SNRPA: variants seen among roughly 807,000 people sequenced by gnomAD.
SNRPA encodes the protein small nuclear ribonucleoprotein polypeptide A, also known as U1 small nuclear ribonucleoprotein A.
Under a neutral mutation model 24.5 loss-of-function variants are expected in SNRPA, and 10 were observed. That is an observed-to-expected ratio of 0.41 (90% CI 0.25 to 0.69). The LOEUF (loss-of-function observed/expected upper bound fraction) is 0.69, where lower values mean the gene tolerates loss of function less well. SNRPA is among the 30% of genes least tolerant of loss of function. The probability of loss-of-function intolerance (pLI) is 0.33; values close to 1 mark genes in which losing one functional copy is unlikely to be tolerated. For synonymous variants in SNRPA, 165 were observed against 148.4 expected, an observed-to-expected ratio of 1.11 and a Z score of -0.81; for missense variants, 283 against 394.7, an observed-to-expected ratio of 0.72 and a Z score of 2.40.
chr19:40,752,579 C>CAA lies in SNRPA; in HGVS notation c.73+1121_73+1122dup, dbSNP rs59705765. 6.5e-3 allele frequency among the ~76,000 whole-genome samples: 396 copies of CAA among 61,178 alleles called. 1 individual carries two copies. The highest frequency in any genetic ancestry group is 0.016 in the African/African-American group (249 of 15,412). 40.1% of individuals were successfully genotyped at this position (61,178 alleles called of 152,430 possible). Reference sequence around the variant, plus strand: ...GCGACAAAGCCAGACCTTTTCTCTACAAAAAAAAAAAAAAAAAAAAAAAAG... The same window carrying CAA: ...GCGACAAAGCCAGACCTTTTCTCTACAAAAAAAAAAAAAAAAAAAAAAAAAAG... On this transcript the variant is annotated intron_variant, in intron 1 of 5. Coordinates refer to ENST00000243563, the MANE Select transcript of SNRPA (RefSeq NM_004596.5).
intron 4 of SNRPA, 101 bp downstream of exon 4, chr19:40,763,175 C>T: frequency 1.1e-6 from 1 of 870,174 alleles, no homozygotes; most frequent in Non-Finnish European, 1.8e-6. Context: ...GTGGTCTGGG[C>T]AGGCCCCCTG....
chr19:40,759,520 G>A lies in SNRPA; in HGVS notation c.336G>A (p.Lys112=), dbSNP rs367777373. Residue 112 remains lysine (K), a synonymous_variant, in exon 3 of 6, where the codon AAG becomes AAA. Transcript: ENST00000243563. ...GGGACCGCAAGCGGGAGAAGAGGAA[G>A]CCCAAGAGCCAGGAGACCCCGGCCA... ...VERDRKREKR[K]PKSQETPATK... 3.1e-6 allele frequency: 5 copies of A among 1,614,042 alleles called. No individual in the cohort carries two copies. Among genetic ancestry groups the A allele is most frequent in the Middle Eastern group, 1.7e-4 (1 of 6,060 alleles).
chr19:40,759,058 A>G (rs1212419054), intron 2 of SNRPA, among the ~76,000 whole-genome samples: 1 of 151,774 alleles, frequency 6.6e-6, no homozygotes, highest in Non-Finnish European at 1.5e-5. Context: ...AAGCACAAAA[A>G]TTAGCCAGGC....
chr19:40,751,688 T>TA, intron 1 of SNRPA: 1 of 555,904 alleles, frequency 1.8e-6, no homozygotes, highest in South Asian at 2.0e-5. Flanking sequence ...CTGCTCATCT[T>TA]ACAAGGTTTG....
chr19:40,761,727 G>A (rs1408449989), intron 3 of SNRPA, among the ~76,000 whole-genome samples: 1 of 151,740 alleles, frequency 6.6e-6, no homozygotes, highest in Non-Finnish European at 1.5e-5. Flanking sequence ...TCACCCTCCC[G>A]AAGTGCTGGG....
At chr19:40,756,919 C>A in intron 1 of SNRPA, 1 of 208,186 alleles carries the variant, frequency 4.8e-6, no homozygotes, top group Non-Finnish European at 9.9e-6. Flanking sequence ...TGTGTCAGAC[C>A]TGGGGGCCAG....
rs1468995245 is a variant in SNRPA at position 40,755,274 on chromosome 19, T to C, written c.74-2058T>C. Among the ~76,000 whole-genome samples the C allele has an allele frequency of 1.4e-5, 2 of 147,398 alleles. 1 individual carries two copies. The highest frequency in any genetic ancestry group is 3.0e-5 in the Non-Finnish European group (2 of 66,786). Reference sequence around the variant, plus strand: ...TTTCTTTTCTTTTTTTTTTTTTTTTTTTTTTTTGGCATTTTTAGTCAAGAC... The same window carrying C: ...TTTCTTTTCTTTTTTTTTTTTTTTTCTTTTTTTGGCATTTTTAGTCAAGAC... On this transcript the variant is annotated intron_variant, in intron 1 of 5. Transcript: ENST00000243563.
intron 2 of SNRPA, 145 bp from the exon 3 acceptor site, chr19:40,759,286 G>T (rs1464770922): frequency 4.6e-6 from 3 of 656,940 alleles, no homozygotes; most frequent in Non-Finnish European, 2.5e-6. Context: ...CTGGCCTCAA[G>T]TGATCTGCTC....
At chr19:40,752,612 G>C (rs959203858) in intron 1 of SNRPA, among the ~76,000 whole-genome samples, 3 of 150,744 alleles carry the variant, frequency 2.0e-5, no homozygotes, top group Non-Finnish European at 4.4e-5. Flanking sequence ...AAGGCTGGGC[G>C]TGGGTGGGGT....
At chr19:40,755,286 T>A (rs1470177033) in intron 1 of SNRPA, among the ~76,000 whole-genome samples, 1 of 141,824 alleles carries the variant, frequency 7.1e-6, no homozygotes, top group African/African-American at 2.7e-5. Context: ...TTTTTTGGCA[T>A]TTTTAGTCAA....
intron 2 of SNRPA, 120 bp from the exon 3 acceptor site, chr19:40,759,311 A>G: frequency 1.1e-6 from 1 of 950,904 alleles, no homozygotes; most frequent in Non-Finnish European, 1.5e-6. Flanking sequence ...TAGCCTCCCA[A>G]AGGGCTGGGA....
At chr19:40,761,135 A>AG (rs1273325201) in intron 3 of SNRPA, among the ~76,000 whole-genome samples, 2 of 151,770 alleles carry the variant, frequency 1.3e-5, no homozygotes, top group Non-Finnish European at 2.9e-5. Context: ...GCAAAAAAAA[A>AG]AAAAAAACCT....
At chr19:40,755,755 C>T (rs1021247186) in intron 1 of SNRPA, among the ~76,000 whole-genome samples, 5 of 152,162 alleles carry the variant, frequency 3.3e-5, no homozygotes, top group African/African-American at 1.2e-4. Context: ...CCTTGTTGAG[C>T]TTGAATCTCA....
chr19:40,763,608 C>A lies in SNRPA; in HGVS notation c.622C>A (p.His208Asn). 1 of 1,614,134 alleles carries A rather than the reference C, an allele frequency of 6.2e-7. No individual in the cohort carries two copies. Among genetic ancestry groups the A allele is most frequent in the South Asian group, 1.1e-5 (1 of 91,078 alleles). ...AQPLSENPPN[H>N]ILFLTNLPEE... ...GCAGCTTTCTGAGAATCCACCGAAT[C>A]ACATCTTGTTCCTCACCAACCTGCC... The change falls in exon 5 of 6, where the codon CAC becomes AAC. Residue 208 changes from histidine to asparagine, a missense_variant. Around this residue, in one of 6 missense-constraint regions of SNRPA, gnomAD observed 51 missense variants for 110.3 expected, o/e 0.46. Coordinates refer to ENST00000243563, the MANE Select transcript of SNRPA (RefSeq NM_004596.5).
In SNRPA at chr19:40,751,358, G is replaced by C; in HGVS notation, c.-51G>C. The C allele has an allele frequency of 1.4e-6, 2 of 1,402,084 alleles. No homozygotes were observed. The highest frequency in any genetic ancestry group is 2.0e-6 in the Non-Finnish European group (2 of 987,122). The allele number at this position is 1,402,084 out of a possible 1,614,324, so 86.9% of individuals were successfully genotyped here. A position where few individuals can be genotyped will look rare whatever the true frequency, so the allele number is the denominator to read the frequency against. Reference sequence around the variant, plus strand: ...GGACAAAGGATTTGGAGAAACCCAGGGCTAAAGTCACGTTTTTCCTCCTTT... The same window carrying C: ...GGACAAAGGATTTGGAGAAACCCAGCGCTAAAGTCACGTTTTTCCTCCTTT... On this transcript the variant is annotated 5_prime_UTR_variant, in exon 1 of 6. Transcript: ENST00000243563.
chr19:40,759,506 CG>C lies in SNRPA; in HGVS notation c.325del (p.Glu109ArgfsTer39), dbSNP rs763662325. Reference sequence around the variant, plus strand: ...CACCTTCGTGGAGCGGGACCGCAAGCGGGAGAAGAGGAAGCCCAAGAGCCAG... The same window carrying C: ...CACCTTCGTGGAGCGGGACCGCAAGCGGAGAAGAGGAAGCCCAAGAGCCAG... ...KGTFVERDRK[R>X]EKRKPKSQET... On this transcript the variant is annotated frameshift_variant, in exon 3 of 6. Coordinates refer to ENST00000243563, the MANE Select transcript of SNRPA (RefSeq NM_004596.5). LOFTEE classifies it high-confidence loss of function. 4 of 1,613,886 alleles carry C rather than the reference CG, an allele frequency of 2.5e-6. No individual in the cohort carries two copies. In the South Asian group the frequency reaches 4.4e-5, roughly 18 times the overall value.
At chr19:40,758,349 C>T (rs1265033748) in intron 2 of SNRPA, among the ~76,000 whole-genome samples, 1 of 152,118 alleles carries the variant, frequency 6.6e-6, no homozygotes, top group African/African-American at 2.4e-5. Context: ...GCTTTATTCC[C>T]AGAGCCTTGA....
In SNRPA at chr19:40,757,403, C is replaced by T. The variant is rs764160217; in HGVS notation, c.145C>T (p.Leu49=). ...CCTGGATATCCTGGTATCACGGAGCCTGAAGATGAGGGGCCAGGCCTTTGT... is the reference window on the plus strand; with the variant it reads ...CCTGGATATCCTGGTATCACGGAGCTTGAAGATGAGGGGCCAGGCCTTTGT... ...QILDILVSRS[L]KMRGQAFVIF... Residue 49 remains leucine, a synonymous_variant, in exon 2 of 6, where the codon CTG becomes TTG. Transcript: ENST00000243563. 6.2e-7 allele frequency: 1 copy of T among 1,614,066 alleles called. No homozygotes were observed. Among genetic ancestry groups the T allele is most frequent in the Non-Finnish European group, 8.5e-7 (1 of 1,179,976 alleles).
intron 3 of SNRPA, among the ~76,000 whole-genome samples, chr19:40,761,549 C>G (rs975892712): frequency 1.4e-5 from 2 of 142,188 alleles, no homozygotes; most frequent in Admixed American, 1.5e-4. Context: ...TCTCTGCAAC[C>G]TGCGCTTCCT....
Sources: gnomAD v4.1 joint callset for allele counts (sites outside exome capture counted in the v4.1 genomes callset) on GRCh38, gnomAD v4.1.1 for gene constraint, gnomAD v4.1.1 regional missense constraint, MANE v1.5 for transcripts, NCBI Gene and HGNC (gene_info 2026-07-23, HGNC 2026-07-21) for gene names.